Variants in PPP2R5E observed in about 807,000 individuals in gnomAD.
PPP2R5E encodes the protein protein phosphatase 2 regulatory subunit B'epsilon.
A neutral mutation model predicts 65.3 loss-of-function variants in PPP2R5E; 4 were observed. That is an observed-to-expected ratio of 0.06 (90% CI 0.03 to 0.14). The LOEUF is 0.14. Ranked by LOEUF, PPP2R5E falls within the 10% of genes least tolerant of loss-of-function variation. The pLI, the probability that PPP2R5E is intolerant of heterozygous loss-of-function variation, is 1.00. For synonymous variants in PPP2R5E, 183 were observed against 187.4 expected, an observed-to-expected ratio of 0.98 and a Z score of 0.19; for missense variants, 274 against 556.1, an observed-to-expected ratio of 0.49 and a Z score of 5.10.
At chr14:63,387,589 CATTT>C (rs1352717234) in intron 11 of PPP2R5E, among the ~76,000 whole-genome samples, 1 of 141,764 alleles carries the variant, frequency 7.1e-6, no homozygotes, top group East Asian at 2.0e-4. Flanking sequence ...AACCAGCAAA[CATTT>C]ATTAATGAAC....
chr14:63,458,612 C>T (rs185347604), intron 2 of PPP2R5E, among the ~76,000 whole-genome samples: 2 of 152,138 alleles, frequency 1.3e-5, no homozygotes, highest in African/African-American at 4.8e-5. Flanking sequence ...AGGTAAATTG[C>T]TTTTAAAAAA....
intron 4 of PPP2R5E, among the ~76,000 whole-genome samples, chr14:63,420,856 TC>T (rs1284644435): frequency 1.4e-5 from 2 of 137,992 alleles, no homozygotes; most frequent in Non-Finnish European, 3.0e-5. Flanking sequence ...ATCGAGACCA[TC>T]CCGGCTAAAA....
intron 2 of PPP2R5E, among the ~76,000 whole-genome samples, chr14:63,501,607 G>A (rs1891892896): frequency 6.6e-6 from 1 of 152,068 alleles, no homozygotes; most frequent in Non-Finnish European, 1.5e-5. Flanking sequence ...TTCATTCTGA[G>A]GTGATAAAAA....
chr14:63,538,724 C>T (rs1453435511), intron 2 of PPP2R5E, among the ~76,000 whole-genome samples: 1 of 151,762 alleles, frequency 6.6e-6, no homozygotes, highest in Non-Finnish European at 1.5e-5. Context: ...GTGGGCAGAT[C>T]ACTTGGGGTC....
At chr14:63,526,706 G>A (rs1893198836) in intron 2 of PPP2R5E, among the ~76,000 whole-genome samples, 3 of 152,124 alleles carry the variant, frequency 2.0e-5, no homozygotes, top group African/African-American at 7.2e-5. Context: ...ACAGGAGCAT[G>A]CCTCCACACC....
intron 2 of PPP2R5E, among the ~76,000 whole-genome samples, chr14:63,465,460 A>AC (rs1187640170): frequency 7.7e-6 from 1 of 129,274 alleles, no homozygotes; most frequent in African/African-American, 3.6e-5. Flanking sequence ...CAAAAAAAAA[A>AC]AAAAAAAAAA....
chr14:63,375,528 C>G lies in PPP2R5E; in HGVS notation c.*481G>C, dbSNP rs577284737. On this transcript the variant is annotated 3_prime_UTR_variant, in exon 14 of 14. Coordinates refer to ENST00000337537, the MANE Select transcript of PPP2R5E (RefSeq NM_006246.5). ...AAAGAAAAAGATGTTAAATTACAGT[C>G]AAGTTATCCAGAGGAGGATGTTACA... 6.5e-6 allele frequency: 1 copy of G among 152,734 alleles called. No homozygotes were observed. Among genetic ancestry groups the G allele is most frequent in the East Asian group, 1.9e-4 (1 of 5,188 alleles). 9.5% of individuals were successfully genotyped at this position (152,734 alleles called of 1,614,324 possible). A position where few individuals can be genotyped will look rare whatever the true frequency, so the allele number is the denominator to read the frequency against.
At chr14:63,378,353 C>A (rs893832514) in intron 13 of PPP2R5E, among the ~76,000 whole-genome samples, 1 of 152,152 alleles carries the variant, frequency 6.6e-6, no homozygotes, top group African/African-American at 2.4e-5. Flanking sequence ...AAAAATCAGA[C>A]CTTGACGATG....
intron 4 of PPP2R5E, among the ~76,000 whole-genome samples, chr14:63,417,091 T>C (rs1294620566): frequency 6.6e-6 from 1 of 152,230 alleles, no homozygotes; most frequent in East Asian, 1.9e-4. Flanking sequence ...ATCATCTGTC[T>C]TGCACTTTGA....
At chr14:63,450,174 C>T (rs116551494) in intron 3 of PPP2R5E, among the ~76,000 whole-genome samples, 3,022 of 152,206 alleles carry the variant, frequency 0.02, 81 homozygotes, top group African/African-American at 0.064. Flanking sequence ...CCGCGCCCAG[C>T]GCCTTGTCTC....
chr14:63,487,708 G>A (rs1162981770), intron 2 of PPP2R5E, among the ~76,000 whole-genome samples: 1 of 152,068 alleles, frequency 6.6e-6, no homozygotes, highest in South Asian at 2.1e-4. Context: ...AATCTCAATC[G>A]TGTATGCTCT....
chr14:63,462,011 T>A (rs1358577171), intron 2 of PPP2R5E, among the ~76,000 whole-genome samples: 3 of 152,028 alleles, frequency 2.0e-5, no homozygotes, highest in Non-Finnish European at 4.4e-5. Flanking sequence ...TTTCTTCCAA[T>A]ACTTTTCTAG....
chr14:63,526,298 G>A (rs1893180996), intron 2 of PPP2R5E, among the ~76,000 whole-genome samples: 1 of 152,196 alleles, frequency 6.6e-6, no homozygotes, highest in Admixed American at 6.5e-5. Flanking sequence ...TGGGGAATGG[G>A]CAAGCGAAAT....
chr14:63,445,486 G>A (rs759945305), intron 3 of PPP2R5E, among the ~76,000 whole-genome samples: 6 of 152,170 alleles, frequency 3.9e-5, no homozygotes, highest in African/African-American at 1.4e-4. Flanking sequence ...CATGTTGATG[G>A]CTGCTAACTC....
At chr14:63,463,331 G>A (rs1394197207) in intron 2 of PPP2R5E, among the ~76,000 whole-genome samples, 3 of 151,030 alleles carry the variant, frequency 2.0e-5, no homozygotes, top group East Asian at 2.0e-4. Flanking sequence ...TAGTAGAGAC[G>A]GGGTTTCACC....
intron 2 of PPP2R5E, among the ~76,000 whole-genome samples, chr14:63,466,914 T>C (rs938228810): frequency 2.6e-5 from 4 of 152,060 alleles, no homozygotes; most frequent in African/African-American, 9.7e-5. Context: ...CTTAACACTT[T>C]CAGAACAGAA....
At chr14:63,499,124 C>G (rs1199585222) in intron 2 of PPP2R5E, among the ~76,000 whole-genome samples, 1 of 152,178 alleles carries the variant, frequency 6.6e-6, no homozygotes, top group Non-Finnish European at 1.5e-5. Flanking sequence ...TACTGGAACA[C>G]AGAATGTGCC....
At chr14:63,523,474 G>A (rs2139735873) in intron 2 of PPP2R5E, among the ~76,000 whole-genome samples, 1 of 152,186 alleles carries the variant, frequency 6.6e-6, no homozygotes, top group East Asian at 1.9e-4. Context: ...TAAGGGCGGT[G>A]CAAGATGTGC....
intron 2 of PPP2R5E, among the ~76,000 whole-genome samples, chr14:63,523,075 G>T (rs964198740): frequency 6.6e-6 from 1 of 150,740 alleles, no homozygotes; most frequent in African/African-American, 2.5e-5. Context: ...GCCCCGTCCG[G>T]GAGGGAGGTG....
Sources: allele counts gnomAD v4.1 joint callset (sites outside exome capture counted in the v4.1 genomes callset), GRCh38; gene constraint gnomAD v4.1.1; transcripts MANE v1.5; gene names NCBI Gene and HGNC (gene_info 2026-07-23, HGNC 2026-07-21).